SGSM2: variants seen among roughly 807,000 people sequenced by gnomAD.
SGSM2 encodes the protein RUN and TBC1 domain containing 1.
Under a neutral mutation model 126.6 loss-of-function variants are expected in SGSM2, and 89 were observed. The ratio of observed to expected loss-of-function variants is 0.70; its 90% CI spans 0.59 to 0.84. The LOEUF (loss-of-function observed/expected upper bound fraction) is 0.84, where lower values mean the gene tolerates loss of function less well. Ranked by LOEUF, SGSM2 falls within the 40% of genes least tolerant of loss-of-function variation. SGSM2 has a pLI of 0.00. For synonymous variants in SGSM2, 614 were observed against 574.3 expected (o/e 1.07, Z -0.99); for missense variants, 1,404 against 1,416.6 (o/e 0.99, Z 0.14).
In SGSM2 at chr17:2,364,137, A is replaced by G. The variant is rs780442623; in HGVS notation, c.886A>G (p.Asn296Asp). 2 of 1,613,960 alleles carry G rather than the reference A, an allele frequency of 1.2e-6. No homozygotes were observed. Among genetic ancestry groups the G allele is most frequent in the African/African-American group, 1.3e-5 (1 of 75,022 alleles). Residue 296 changes from asparagine to aspartate, a missense_variant, in exon 8 of 24, where the codon AAC (asparagine) becomes GAC (aspartate). Physicochemically the swap from Asn to Asp is conservative, Grantham distance 23. Transcript: ENST00000268989. The stretch of plus-strand genomic sequence containing the variant: ...GAGCCTGACTCTGAAGTGGACCCCC[A>G]ACCAGCTCATGAATGGGACTCTGGG... Reference protein sequence around the residue: ...AESLTLKWTPNQLMNGTLGDS... With the variant: ...AESLTLKWTPDQLMNGTLGDS...
rs760142832 is a variant in SGSM2 at position 2,377,899 on chromosome 17, G to T, written c.2845G>T (p.Asp949Tyr). Reference sequence around the variant, plus strand: ...GTTTGAGCTGATGCATCAGAATGGAGACTACACCCACTTCTACTTCTGTTA... The same window carrying T: ...GTTTGAGCTGATGCATCAGAATGGATACTACACCCACTTCTACTTCTGTTA... ...ELFELMHQNGDYTHFYFCYRW... is the reference protein window; with the variant it reads ...ELFELMHQNGYYTHFYFCYRW... The change falls in exon 22 of 24, where the codon GAC becomes TAC. Residue 949 changes from aspartate (D) to tyrosine (Y), a missense_variant. Coordinates refer to ENST00000268989, the MANE Select transcript of SGSM2 (RefSeq NM_014853.3). 1 of 1,613,186 alleles carries T rather than the reference G, an allele frequency of 6.2e-7. No individual in the cohort carries two copies. Among genetic ancestry groups the T allele is most frequent in the Non-Finnish European group, 8.5e-7 (1 of 1,179,434 alleles).
At chr17:2,358,250 C>T (rs961941360) in intron 2 of SGSM2, among the ~76,000 whole-genome samples, 2 of 152,184 alleles carry the variant, frequency 1.3e-5, no homozygotes, top group African/African-American at 2.4e-5. Context: ...GGGAAGGGTC[C>T]TTCACCGTCC....
At chr17:2,340,819 C>T (rs1032999036) in intron 1 of SGSM2, among the ~76,000 whole-genome samples, 24 of 152,200 alleles carry the variant, frequency 1.6e-4, no homozygotes, top group Admixed American at 2.6e-4. Flanking sequence ...CTCCTGACCT[C>T]GTGATCCGCC....
rs1567840334 is a variant in SGSM2, at chr17:2,372,290, G to C, written c.1642+36G>C. On this transcript the variant is annotated intron_variant, in intron 14 of 23. Transcript: ENST00000268989. The surrounding 1 kb of genome is among the most constrained non-coding windows in gnomAD (Gnocchi z 6.0). ...GGCGCGCCGGGCTGTGGCGGGCTGG[G>C]GGCGGGCGGCCCTGGGTCCCAGCCT... 4 of 1,611,334 alleles carry C rather than the reference G, an allele frequency of 2.5e-6. No individual in the cohort carries two copies. The highest frequency in any genetic ancestry group is 3.4e-6 in the Non-Finnish European group (4 of 1,178,966).
In SGSM2 at chr17:2,337,749, A is replaced by C. The variant is rs757937197; in HGVS notation, c.57+4A>C. 3.3e-6 allele frequency: 5 copies of C among 1,529,958 alleles called. No homozygotes were observed. In the East Asian group the frequency reaches 1.0e-4, roughly 32 times the overall value. The allele number at this position is 1,529,958 out of a possible 1,614,324, so 94.8% of individuals were successfully genotyped here. A position where few individuals can be genotyped will look rare whatever the true frequency, so the allele number is the denominator to read the frequency against. On this transcript the variant is annotated splice_donor_region_variant and intron_variant, in intron 1 of 23. Transcript: ENST00000268989. The surrounding 1 kb of genome is among the most constrained non-coding windows in gnomAD (Gnocchi z 5.1). ...GCTGTGGAACGTGAAGAAGGAGGTA[A>C]AGTCGAGTCAAGAACCCCGGGGGGC...
intron 2 of SGSM2, 73 bp from the exon 3 acceptor site, chr17:2,361,564 T>C: frequency 6.5e-7 from 1 of 1,549,414 alleles, no homozygotes; most frequent in Non-Finnish European, 8.8e-7. Context: ...ACCACAGGTA[T>C]GGGGAAGAGG....
chr17:2,338,083 G>A lies in SGSM2; in HGVS notation c.57+338G>A, dbSNP rs377149929. Among the ~76,000 whole-genome samples the A allele has an allele frequency of 5.1e-4, 78 of 152,160 alleles. 1 individual carries two copies. Among genetic ancestry groups the A allele is most frequent in the African/African-American group, 1.7e-3 (72 of 41,550 alleles). Reference sequence around the variant, plus strand: ...CCGGAGCTGCCCATTCAGTGCCCGCGCCGCCAGGGGAGGGGGCGGGGCCCC... The same window carrying A: ...CCGGAGCTGCCCATTCAGTGCCCGCACCGCCAGGGGAGGGGGCGGGGCCCC... On this transcript the variant is annotated intron_variant, in intron 1 of 23. Coordinates refer to ENST00000268989, the MANE Select transcript of SGSM2 (RefSeq NM_014853.3).
intron 2 of SGSM2, among the ~76,000 whole-genome samples, chr17:2,353,638 G>A (rs374913473): frequency 7.2e-5 from 11 of 151,988 alleles, no homozygotes; most frequent in South Asian, 4.2e-4. Flanking sequence ...GGTAGTGCAC[G>A]CCTGCAGTCC....
At chr17:2,364,349 G>C in intron 8 of SGSM2, 166 bp downstream of exon 8, 1 of 970,752 alleles carries the variant, frequency 1.0e-6, no homozygotes, top group South Asian at 1.6e-5. Flanking sequence ...AAGCTCTCTA[G>C]GACGGAGCCA....
At chr17:2,368,935 G>A (rs1487452183) in intron 12 of SGSM2, among the ~76,000 whole-genome samples, 4 of 152,184 alleles carry the variant, frequency 2.6e-5, no homozygotes, top group African/African-American at 4.8e-5. Flanking sequence ...GTGATAAAAA[G>A]CCTATCCCTG....
At position 2,372,542 on chromosome 17, in the gene SGSM2, G is replaced by C. The variant is rs773971775; in HGVS notation, c.1788+54G>C. 6.3e-7 allele frequency: 1 copy of C among 1,579,164 alleles called. No homozygotes were observed. Among genetic ancestry groups the C allele is most frequent in the Admixed American group, 2.0e-5 (1 of 50,306 alleles). ...GGTCGAGGGGCTGGGGCGGGCAGGA[G>C]TGAGGGCTTCAGGGTAAAATGTGCC... On this transcript the variant is annotated intron_variant, in intron 15 of 23. Transcript: ENST00000268989. The surrounding 1 kb of genome is among the most constrained non-coding windows in gnomAD (Gnocchi z 6.0).
rs1319648508 is a variant in SGSM2 at position 2,380,695 on chromosome 17, GGCCTT to G, written c.*1179_*1183del. 7.0e-6 allele frequency: 2 copies of G among 286,176 alleles called. No homozygotes were observed. Among genetic ancestry groups the G allele is most frequent in the Non-Finnish European group, 1.3e-5 (2 of 148,252 alleles). The allele number at this position is 286,176 out of a possible 1,614,324, so 17.7% of individuals were successfully genotyped here. ...CCTCTACCCCAACACATGCAGGCTA[GGCCTT>G]GCCCTGGAACATGGAGGCCCTGCCC... On this transcript the variant is annotated 3_prime_UTR_variant, in exon 24 of 24. Coordinates refer to ENST00000268989, the MANE Select transcript of SGSM2 (RefSeq NM_014853.3).
Position 2,379,145 on chromosome 17 carries a change from C to A in SGSM2, c.3009C>A (p.Tyr1003Ter). 6.2e-7 allele frequency: 1 copy of A among 1,614,204 alleles called. No homozygotes were observed. The highest frequency in any genetic ancestry group is 8.5e-7 in the Non-Finnish European group (1 of 1,180,030). ...LFIALALVEA[Y>*]REIIRDNNMD... ...TCGCCCTCGCCCTGGTGGAGGCCTA[C>A]CGAGAGATCATCCGTGACAACAACA... Residue 1003 changes from tyrosine to a stop codon, truncating the protein, a stop_gained, in exon 23 of 24, where the codon TAC becomes TAA. Transcript: ENST00000268989. LOFTEE classifies it high-confidence loss of function.
At chr17:2,373,281 G>A in intron 16 of SGSM2, 50 bp from the exon 17 acceptor site, 2 of 1,583,778 alleles carry the variant, frequency 1.3e-6, no homozygotes, top group Non-Finnish European at 1.7e-6. Context: ...TCCTGAAGGG[G>A]AGGGCCTGGT....
In SGSM2 at chr17:2,377,904, C is replaced by T. The variant is rs201782272; in HGVS notation, c.2850C>T (p.Tyr950=). The change falls in exon 22 of 24, where the codon TAC becomes TAT. Residue 950 remains tyrosine (Y), a synonymous_variant. Transcript: ENST00000268989. ...AGCTGATGCATCAGAATGGAGACTA[C>T]ACCCACTTCTACTTCTGTTATCGCT... ...LFELMHQNGD[Y]THFYFCYRWF... The T allele has an allele frequency of 6.8e-6, 11 of 1,613,266 alleles. No individual in the cohort carries two copies. The highest frequency in any genetic ancestry group is 6.8e-6 in the Non-Finnish European group (8 of 1,179,384).
At chr17:2,361,973 T>C in intron 3 of SGSM2, 136 bp from the exon 4 acceptor site, 1 of 1,323,932 alleles carries the variant, frequency 7.6e-7, no homozygotes. Flanking sequence ...CAAGGCTCTG[T>C]ACCCCTCCTT....
rs2066380653 is a variant in SGSM2, at chr17:2,380,896, CTTG to C, written c.*1381_*1383del. 6.3e-6 allele frequency: 1 copy of C among 158,094 alleles called. No individual in the cohort carries two copies. Among genetic ancestry groups the C allele is most frequent in the African/African-American group, 2.4e-5 (1 of 41,530 alleles). 9.8% of individuals were successfully genotyped at this position (158,094 alleles called of 1,614,324 possible). On this transcript the variant is annotated 3_prime_UTR_variant, in exon 24 of 24. Transcript: ENST00000268989. ...GGGCCAGACCACCCCATTGTCCATC[CTTG>C]TTGTCCGTGAGTCCTTGGCCTCCAC...
Position 2,377,000 on chromosome 17 carries a change from A to T in SGSM2, c.2734A>T (p.Met912Leu), listed in dbSNP as rs199998810. The stretch of plus-strand genomic sequence containing the variant: ...CTGCTTCAGCCACCTCATGAAGAGG[A>T]TGAGCCAGAACTTCCCCAACGGGGG... ...YSCFSHLMKR[M>L]SQNFPNGGAM... The change falls in exon 21 of 24, where the codon ATG becomes TTG. Residue 912 changes from methionine to leucine, a missense_variant. By Grantham distance (15) the Met-to-Leu change is conservative (BLOSUM62 2). Coordinates refer to ENST00000268989, the MANE Select transcript of SGSM2 (RefSeq NM_014853.3). 1.9e-6 allele frequency: 3 copies of T among 1,613,894 alleles called. No individual in the cohort carries two copies. In the Admixed American group the frequency reaches 5.0e-5, roughly 27 times the overall value.
At chr17:2,339,155 C>T (rs1449954380) in intron 1 of SGSM2, among the ~76,000 whole-genome samples, 1 of 150,508 alleles carries the variant, frequency 6.6e-6, no homozygotes, top group Non-Finnish European at 1.5e-5. Flanking sequence ...TGGACAGGCG[C>T]GGTGGCTTAC....
Sources: gnomAD v4.1 joint callset for allele counts (sites outside exome capture counted in the v4.1 genomes callset) on GRCh38, gnomAD v4.1.1 for gene constraint, Gnocchi (gnomAD v3.1) non-coding constraint, MANE v1.5 for transcripts, NCBI Gene and HGNC (gene_info 2026-07-23, HGNC 2026-07-21) for gene names.